Variants in MYCT1 observed in about 807,000 individuals in gnomAD.
The protein encoded by MYCT1 is MYC target 1, also known as myc target protein 1.
MYCT1 carries 12 observed loss-of-function variants against 15.0 expected under a neutral mutation model. That is an observed-to-expected ratio of 0.80 (90% CI 0.51 to 1.29). MYCT1 has a LOEUF of 1.29. MYCT1 is among the 50% of genes most tolerant of loss of function. MYCT1 has a pLI of 0.00. For missense variants in MYCT1, 287 were observed against 279.1 expected (o/e 1.03, Z -0.20); for synonymous variants, 104 against 102.7 (o/e 1.01, Z -0.07).
At chr6:152,727,623 A>G (rs758179822), downstream of MYCT1, among the ~76,000 whole-genome samples, 3 of 152,328 alleles carry the variant, frequency 2.0e-5, no homozygotes, top group East Asian at 1.9e-4. Context: ...GTGCACTAGC[A>G]TATGTGGTGG....
the MYCT1 span, among the ~76,000 whole-genome samples, chr6:152,743,646 G>T: frequency 1.3e-5 from 2 of 152,290 alleles, no homozygotes; most frequent in East Asian, 1.9e-4. Context: ...TGTGGGTTTT[G>T]AATTTGCTGG....
the MYCT1 span, among the ~76,000 whole-genome samples, chr6:152,741,680 T>C: frequency 6.6e-6 from 1 of 152,168 alleles, no homozygotes; most frequent in Non-Finnish European, 1.5e-5. Context: ...ATATTCCCTT[T>C]TCTGTTGTGA....
At chr6:152,706,361 A>G (rs547732707) in intron 1 of MYCT1, among the ~76,000 whole-genome samples, 1 of 152,272 alleles carries the variant, frequency 6.6e-6, no homozygotes, top group Non-Finnish European at 1.5e-5. Context: ...TTGAATAAAA[A>G]GACATTTGTA....
the MYCT1 span, among the ~76,000 whole-genome samples, chr6:152,745,942 T>C: frequency 6.6e-6 from 1 of 152,192 alleles, no homozygotes; most frequent in Non-Finnish European, 1.5e-5. Context: ...AGTTAGCCTC[T>C]ATTGTTCAGC....
chr6:152,705,952 A>G, intron 1 of MYCT1: 1 of 778,586 alleles, frequency 1.3e-6, no homozygotes, highest in Non-Finnish European at 2.4e-6. Flanking sequence ...ATGGTGGAAA[A>G]AGCAATTATT....
chr6:152,725,957 A>T (rs1289160747), downstream of MYCT1, among the ~76,000 whole-genome samples: 1 of 152,130 alleles, frequency 6.6e-6, no homozygotes, highest in Non-Finnish European at 1.5e-5. Flanking sequence ...CCACTGAGAG[A>T]CCTCGAAGGG....
chr6:152,740,702 T>A, the MYCT1 span, among the ~76,000 whole-genome samples: 1 of 152,152 alleles, frequency 6.6e-6, no homozygotes, highest in Non-Finnish European at 1.5e-5. Flanking sequence ...AAATCCTTTT[T>A]AGGTGGAGCT....
At chr6:152,731,394 A>C in the MYCT1 span, among the ~76,000 whole-genome samples, 2 of 152,134 alleles carry the variant, frequency 1.3e-5, no homozygotes, top group African/African-American at 4.8e-5. Context: ...TTTATACTTT[A>C]AGTTCTAGGG....
At chr6:152,729,867 T>C in the MYCT1 span, among the ~76,000 whole-genome samples, 2 of 152,140 alleles carry the variant, frequency 1.3e-5, no homozygotes, top group East Asian at 3.9e-4. Context: ...TCCAGTGGCC[T>C]TTGCAAAGTG....
chr6:152,734,342 GTTAAGCGCAAAAC>G, the MYCT1 span, among the ~76,000 whole-genome samples: 1 of 152,136 alleles, frequency 6.6e-6, no homozygotes, highest in South Asian at 2.1e-4. Flanking sequence ...CTTATTTCTG[GTTAAGCGCAAAAC>G]TTATGGTTCA....
intron 1 of MYCT1, among the ~76,000 whole-genome samples, chr6:152,703,093 T>C (rs1451462703): frequency 6.6e-6 from 1 of 152,206 alleles, no homozygotes; most frequent in Non-Finnish European, 1.5e-5. Context: ...TAAAACAAAT[T>C]GGGACGTTTT....
downstream of MYCT1, among the ~76,000 whole-genome samples, chr6:152,728,554 A>G (rs981119365): frequency 4.6e-5 from 7 of 152,308 alleles, no homozygotes; most frequent in African/African-American, 1.7e-4. Flanking sequence ...TAGAAAAAAA[A>G]AACCTTTAAC....
At chr6:152,705,538 G>A (rs1485969621) in intron 1 of MYCT1, among the ~76,000 whole-genome samples, 1 of 151,654 alleles carries the variant, frequency 6.6e-6, no homozygotes, top group South Asian at 2.1e-4. Context: ...GAAAATGACA[G>A]GATTTTTTTT....
the MYCT1 span, among the ~76,000 whole-genome samples, chr6:152,733,398 T>C: frequency 6.6e-6 from 1 of 152,224 alleles, no homozygotes; most frequent in Non-Finnish European, 1.5e-5. Flanking sequence ...CCACCATGCC[T>C]GGCCTTCCAC....
chr6:152,723,553 A>C lies in MYCT1; in HGVS notation c.*1300A>C, dbSNP rs1269112400. The C allele has an allele frequency of 6.6e-6, 1 of 152,282 alleles. No individual in the cohort carries two copies. The highest frequency in any genetic ancestry group is 1.9e-4 in the East Asian group (1 of 5,192). The allele number at this position is 152,282 out of a possible 1,614,324, so 9.4% of individuals were successfully genotyped here. On this transcript the variant is annotated 3_prime_UTR_variant, in exon 2 of 2. Transcript: ENST00000367245. ...CTCCTTCCTGGATTGACTCTTAATCATCAGGCATCATTCCTGGTTTGCTTC... is the reference window on the plus strand; with the variant it reads ...CTCCTTCCTGGATTGACTCTTAATCCTCAGGCATCATTCCTGGTTTGCTTC...
At chr6:152,728,300 G>A (rs139379463), downstream of MYCT1, among the ~76,000 whole-genome samples, 13 of 152,314 alleles carry the variant, frequency 8.5e-5, no homozygotes, top group African/African-American at 2.9e-4. Context: ...GTGCCATTAA[G>A]TAACAGAAGT....
In MYCT1 at chr6:152,708,860, ATTTT is replaced by A. The variant is rs573898870; in HGVS notation, c.196+10770_196+10773del. 2.8e-5 allele frequency among the ~76,000 whole-genome samples: 2 copies of A among 70,332 alleles called. 1 individual carries two copies. Among genetic ancestry groups the A allele is most frequent in the Non-Finnish European group, 6.7e-5 (2 of 29,958 alleles). 46.1% of individuals were successfully genotyped at this position (70,332 alleles called of 152,430 possible). A position where few individuals can be genotyped will look rare whatever the true frequency, so the allele number is the denominator to read the frequency against. Reference sequence around the variant, plus strand: ...CACCTGAAAGAGTATTTATTTTTTTATTTTTTTTTTTATTATACTCTAAGTTTTA... The same window carrying A: ...CACCTGAAAGAGTATTTATTTTTTTATTTTTTTATTATACTCTAAGTTTTA... On this transcript the variant is annotated intron_variant, in intron 1 of 1. Transcript: ENST00000367245.
chr6:152,747,155 A>C, the MYCT1 span, among the ~76,000 whole-genome samples: 2 of 151,706 alleles, frequency 1.3e-5, 1 homozygote, highest in Non-Finnish European at 2.9e-5. Flanking sequence ...TTAAATATAT[A>C]AACTTTTAAT....
chr6:152,743,986 C>T, the MYCT1 span, among the ~76,000 whole-genome samples: 1 of 152,154 alleles, frequency 6.6e-6, no homozygotes, highest in East Asian at 1.9e-4. Flanking sequence ...TTCCTGAGGG[C>T]CAGGCGCCAG....
Sources: gnomAD v4.1 joint callset for allele counts (sites outside exome capture counted in the v4.1 genomes callset) on GRCh38, gnomAD v4.1.1 for gene constraint, MANE v1.5 for transcripts, NCBI Gene and HGNC (gene_info 2026-07-23, HGNC 2026-07-21) for gene names.